The following TNFSF4 variants were observed in gnomAD, a reference collection of about 807,000 sequenced individuals.
The protein encoded by TNFSF4 is tumor necrosis factor ligand superfamily member 4.
In TNFSF4, 4 loss-of-function variants were observed where a neutral mutation model predicts 7.3. The ratio of observed to expected loss-of-function variants is 0.55; its 90% CI spans 0.27 to 1.25. The LOEUF is 1.25. Ranked by LOEUF, TNFSF4 falls within the 50% of genes most tolerant of loss-of-function variation. The pLI, the probability that TNFSF4 is intolerant of heterozygous loss-of-function variation, is 0.12. For synonymous variants in TNFSF4, 76 were observed against 83.7 expected, an observed-to-expected ratio of 0.91 and a Z score of 0.50; for missense variants, 181 against 208.8, an observed-to-expected ratio of 0.87 and a Z score of 0.82.
At chr1:173,300,160 GATAC>G in the TNFSF4 span, among the ~76,000 whole-genome samples, 6,816 of 146,808 alleles carry the variant, frequency 0.046, 361 homozygotes, top group African/African-American at 0.14. Flanking sequence ...ATGATTGATA[GATAC>G]ATACATACAT....
chr1:173,219,818 G>A, the TNFSF4 span, among the ~76,000 whole-genome samples: 2 of 152,156 alleles, frequency 1.3e-5, no homozygotes, highest in Non-Finnish European at 2.9e-5. Context: ...AACATTGTAT[G>A]TTCTTGCTCA....
At chr1:173,440,603 G>C in the TNFSF4 span, 1 of 152,150 alleles carries the variant, frequency 6.6e-6, no homozygotes, top group African/African-American at 2.4e-5. Flanking sequence ...CATTCTGGTG[G>C]ATAACTCATC....
the TNFSF4 span, among the ~76,000 whole-genome samples, chr1:173,272,444 G>C: frequency 6.6e-6 from 1 of 151,788 alleles, no homozygotes; most frequent in South Asian, 2.1e-4. Flanking sequence ...TTTTTTTTAA[G>C]ATTAGGAAAC....
the TNFSF4 span, among the ~76,000 whole-genome samples, chr1:173,342,934 C>T: frequency 6.6e-6 from 1 of 152,186 alleles, no homozygotes; most frequent in Non-Finnish European, 1.5e-5. Context: ...ACAAAACATG[C>T]TTCTTTCCCC....
the TNFSF4 span, among the ~76,000 whole-genome samples, chr1:173,331,308 TTC>T: frequency 6.6e-6 from 1 of 152,240 alleles, no homozygotes; most frequent in Non-Finnish European, 1.5e-5. Flanking sequence ...TACTGCAAAC[TTC>T]TGTTTTTAAA....
At chr1:173,392,496 A>G in the TNFSF4 span, among the ~76,000 whole-genome samples, 2 of 152,220 alleles carry the variant, frequency 1.3e-5, no homozygotes, top group Admixed American at 1.3e-4. Context: ...GCATTCACCA[A>G]CTGGTAACTA....
chr1:173,293,904 C>T, the TNFSF4 span, among the ~76,000 whole-genome samples: 1 of 152,122 alleles, frequency 6.6e-6, no homozygotes, highest in African/African-American at 2.4e-5. Context: ...CAAATCAAAA[C>T]CACAATGAGA....
At chr1:173,176,906 G>A in the TNFSF4 span, among the ~76,000 whole-genome samples, 4 of 152,188 alleles carry the variant, frequency 2.6e-5, no homozygotes, top group Non-Finnish European at 5.9e-5. Context: ...TCACTTATAA[G>A]TGGGAGCTAA....
At chr1:173,347,245 T>C in the TNFSF4 span, among the ~76,000 whole-genome samples, 1 of 152,230 alleles carries the variant, frequency 6.6e-6, no homozygotes, top group Non-Finnish European at 1.5e-5. Flanking sequence ...GTTGTAAAAT[T>C]GGCAGACATC....
the TNFSF4 span, among the ~76,000 whole-genome samples, chr1:173,350,324 A>G: frequency 6.6e-6 from 1 of 152,206 alleles, no homozygotes; most frequent in African/African-American, 2.4e-5. Flanking sequence ...GGCCAGCACA[A>G]TTCAACTCAC....
At chr1:173,444,363 T>C in the TNFSF4 span, among the ~76,000 whole-genome samples, 1 of 152,134 alleles carries the variant, frequency 6.6e-6, no homozygotes. Context: ...AGTGCTTTTT[T>C]TTCTTATTAT....
chr1:173,378,366 G>A, the TNFSF4 span, among the ~76,000 whole-genome samples: 1 of 152,220 alleles, frequency 6.6e-6, no homozygotes, highest in East Asian at 1.9e-4. Context: ...GCAGGGTCCA[G>A]GGACCGTTGT....
chr1:173,203,559 T>C (rs765000258), intron 1 of TNFSF4, among the ~76,000 whole-genome samples: 4 of 152,178 alleles, frequency 2.6e-5, no homozygotes, highest in Admixed American at 6.6e-5. Flanking sequence ...TATTAAATGA[T>C]ACAAAGAAAG....
chr1:173,396,334 A>T, the TNFSF4 span, among the ~76,000 whole-genome samples: 1 of 152,106 alleles, frequency 6.6e-6, no homozygotes, highest in Non-Finnish European at 1.5e-5. Context: ...ACAAAGTGAG[A>T]CCCCATCTCT....
At chr1:173,387,007 G>A in the TNFSF4 span, among the ~76,000 whole-genome samples, 3 of 152,280 alleles carry the variant, frequency 2.0e-5, no homozygotes, top group African/African-American at 7.2e-5. Context: ...AAAGCAATTT[G>A]CCTCAGGATG....
the TNFSF4 span, among the ~76,000 whole-genome samples, chr1:173,278,699 A>G: frequency 6.6e-6 from 1 of 152,110 alleles, no homozygotes; most frequent in Non-Finnish European, 1.5e-5. Flanking sequence ...TTCAAAATTA[A>G]TTAGAGGAAT....
At chr1:173,250,175 A>C in the TNFSF4 span, among the ~76,000 whole-genome samples, 1 of 152,086 alleles carries the variant, frequency 6.6e-6, no homozygotes, top group Non-Finnish European at 1.5e-5. Context: ...CTAAATTGAG[A>C]TCTTTATTTT....
At chr1:173,296,009 T>C in the TNFSF4 span, among the ~76,000 whole-genome samples, 1 of 152,086 alleles carries the variant, frequency 6.6e-6, no homozygotes, top group Non-Finnish European at 1.5e-5. Context: ...TTGAAATCTA[T>C]GCATAGTTTT....
the TNFSF4 span, among the ~76,000 whole-genome samples, chr1:173,267,169 A>G: frequency 2.0e-5 from 3 of 152,194 alleles, no homozygotes; most frequent in Admixed American, 1.3e-4. Flanking sequence ...TTAAAAAATA[A>G]GGTGAAATAG....
Sources: allele counts gnomAD v4.1 joint callset (sites outside exome capture counted in the v4.1 genomes callset), GRCh38; gene constraint gnomAD v4.1.1; transcripts MANE v1.5; gene names NCBI Gene and HGNC (gene_info 2026-07-23, HGNC 2026-07-21).